Variants in ANKS1B observed in about 807,000 individuals in gnomAD.
The protein encoded by ANKS1B is ankyrin repeat and sterile alpha motif domain containing 1B.
ANKS1B carries 36 observed loss-of-function variants against 148.3 expected under a neutral mutation model. That is an observed-to-expected ratio of 0.24 (90% CI 0.19 to 0.32). ANKS1B has a LOEUF of 0.32. ANKS1B is among the 10% of genes least tolerant of loss of function. The pLI, the probability that ANKS1B is intolerant of heterozygous loss-of-function variation, is 1.00. For missense variants in ANKS1B, 1,157 were observed against 1,542.6 expected, an observed-to-expected ratio of 0.75 and a Z score of 4.19; for synonymous variants, 542 against 560.8, an observed-to-expected ratio of 0.97 and a Z score of 0.47.
Position 99,329,494 on chromosome 12 carries a change from G to C in ANKS1B, c.1756+70137C>G, listed in dbSNP as rs543993897. 4.0e-5 allele frequency among the ~76,000 whole-genome samples: 6 copies of C among 151,890 alleles called. No homozygotes were observed. The South Asian group carries it at 1.2e-3, about 32-fold the overall frequency. ...GGGTAAGGTTCTACATATATTTTTA[G>C]AGTCTTGATATATAATTTTAAGCCA... On this transcript the variant is annotated intron_variant, in intron 12 of 26. Coordinates refer to ENST00000683438, the MANE Select transcript of ANKS1B (RefSeq NM_001352186.2).
At position 99,159,681 on chromosome 12, in the gene ANKS1B, C is replaced by T. The variant is rs151002890; in HGVS notation, c.2420-5286G>A. 8.1e-4 allele frequency among the ~76,000 whole-genome samples: 123 copies of T among 152,246 alleles called. 1 individual carries two copies. The East Asian group carries it at 0.018, about 22-fold the overall frequency. On this transcript the variant is annotated intron_variant, in intron 14 of 26. Transcript: ENST00000683438. ...GTCTTTGTTATTGTGAATAGTGCTG[C>T]GATGAACATATGAGCACAGATACCT...
At chr12:99,701,180 A>G (rs535609904) in intron 8 of ANKS1B, among the ~76,000 whole-genome samples, 2 of 152,278 alleles carry the variant, frequency 1.3e-5, no homozygotes, top group South Asian at 4.1e-4. Context: ...TGGTTGTGCC[A>G]CCACTTCCTG....
At chr12:98,916,922 C>G (rs942772282) in intron 17 of ANKS1B, among the ~76,000 whole-genome samples, 1 of 151,698 alleles carries the variant, frequency 6.6e-6, no homozygotes, top group Admixed American at 6.6e-5. Flanking sequence ...TTAGCAAATG[C>G]TAATTTACTT....
chr12:99,968,635 T>G (rs1412414141), intron 1 of ANKS1B, among the ~76,000 whole-genome samples: 3 of 152,312 alleles, frequency 2.0e-5, no homozygotes, highest in African/African-American at 7.2e-5. Context: ...GTGAAAGGAA[T>G]GAGGACAAAT....
At position 99,409,169 on chromosome 12, in the gene ANKS1B, A is replaced by T. The variant is rs1020813255; in HGVS notation, c.1576-9358T>A. Reference sequence around the variant, plus strand: ...ACACAATGGCATACTATTCGGCTATAAAAAAGAATGAGATCCTGTCATTTG... The same window carrying T: ...ACACAATGGCATACTATTCGGCTATTAAAAAGAATGAGATCCTGTCATTTG... On this transcript the variant is annotated intron_variant, in intron 11 of 26. Transcript: ENST00000683438. Among the ~76,000 whole-genome samples, 35 of 152,350 alleles carry T rather than the reference A, an allele frequency of 2.3e-4. 2 individuals carry two copies. The highest frequency in any genetic ancestry group is 8.4e-4 in the African/African-American group (35 of 41,594).
intron 11 of ANKS1B, among the ~76,000 whole-genome samples, chr12:99,425,114 T>G (rs920090042): frequency 6.6e-6 from 1 of 151,988 alleles, no homozygotes; most frequent in Non-Finnish European, 1.5e-5. Context: ...ATTGCTCAAT[T>G]AAATTCCTTT....
intron 11 of ANKS1B, among the ~76,000 whole-genome samples, chr12:99,427,384 C>T (rs946403187): frequency 2.0e-5 from 3 of 152,178 alleles, no homozygotes; most frequent in African/African-American, 7.2e-5. Context: ...ATGTCTTCAT[C>T]TGGGTCTTTG....
intron 1 of ANKS1B, among the ~76,000 whole-genome samples, chr12:99,944,503 T>C (rs2095006263): frequency 6.6e-6 from 1 of 152,184 alleles, no homozygotes; most frequent in Admixed American, 6.5e-5. Flanking sequence ...ATGTTGTTCT[T>C]ACTGGGACAA....
rs199944325 is a variant in ANKS1B, at chr12:99,812,568, G to C, written c.216-257C>G. 3.1e-3 allele frequency among the ~76,000 whole-genome samples: 446 copies of C among 144,458 alleles called. 1 individual carries two copies. The highest frequency in any genetic ancestry group is 0.016 in the East Asian group (50 of 3,168). 94.8% of individuals were successfully genotyped at this position (144,458 alleles called of 152,430 possible). On this transcript the variant is annotated intron_variant, in intron 2 of 26. Transcript: ENST00000683438. Reference sequence around the variant, plus strand: ...ACACACACACACACACAGAGAGAGAGAGAGAGAGAAAGAGAGCGAGAGCAC... The same window carrying C: ...ACACACACACACACACAGAGAGAGACAGAGAGAGAAAGAGAGCGAGAGCAC...
At chr12:99,973,728 C>A (rs976915909) in intron 1 of ANKS1B, among the ~76,000 whole-genome samples, 8 of 152,180 alleles carry the variant, frequency 5.3e-5, no homozygotes, top group African/African-American at 1.9e-4. Context: ...GTGGAAATAG[C>A]AAGTGAAATA....
At chr12:99,211,532 T>C (rs1323622593) in intron 14 of ANKS1B, among the ~76,000 whole-genome samples, 2 of 152,226 alleles carry the variant, frequency 1.3e-5, no homozygotes, top group Non-Finnish European at 2.9e-5. Flanking sequence ...GATTCTACTT[T>C]ATAAAATGTA....
intron 17 of ANKS1B, among the ~76,000 whole-genome samples, chr12:98,925,084 GAGAATAATGAGCTACAGC>G (rs2099806347): frequency 6.6e-6 from 1 of 152,168 alleles, no homozygotes; most frequent in Non-Finnish European, 1.5e-5. Context: ...TTTCTTTGTT[GAGAATAATGAGCTACAGC>G]AGAATGGCAT....
At chr12:99,279,876 T>C (rs961694497) in intron 12 of ANKS1B, among the ~76,000 whole-genome samples, 2 of 151,976 alleles carry the variant, frequency 1.3e-5, no homozygotes, top group Non-Finnish European at 2.9e-5. Flanking sequence ...ATGTGGTGCA[T>C]GCCTATAGTC....
chr12:99,923,539 A>T (rs2094415032), intron 1 of ANKS1B, among the ~76,000 whole-genome samples: 1 of 152,200 alleles, frequency 6.6e-6, no homozygotes, highest in Non-Finnish European at 1.5e-5. Flanking sequence ...AAGGCCAGTA[A>T]GGAGTAATCC....
intron 5 of ANKS1B, among the ~76,000 whole-genome samples, chr12:99,781,591 T>C (rs2064330981): frequency 6.6e-6 from 1 of 152,176 alleles, no homozygotes; most frequent in South Asian, 2.1e-4. Context: ...GAAGGACAAT[T>C]TACCTTAAAG....
At chr12:98,990,693 T>C (rs912113752) in intron 17 of ANKS1B, among the ~76,000 whole-genome samples, 2 of 151,878 alleles carry the variant, frequency 1.3e-5, no homozygotes, top group African/African-American at 2.4e-5. Flanking sequence ...AAGAAAAATA[T>C]AGGATAGCTC....
intron 17 of ANKS1B, among the ~76,000 whole-genome samples, chr12:98,963,583 C>T (rs955680826): frequency 1.3e-5 from 2 of 152,168 alleles, no homozygotes; most frequent in Non-Finnish European, 2.9e-5. Context: ...ATTGGGAAAA[C>T]TCTCCAGGCA....
chr12:99,876,498 G>GT (rs1375070805), intron 1 of ANKS1B, among the ~76,000 whole-genome samples: 1 of 152,110 alleles, frequency 6.6e-6, no homozygotes. Context: ...CGAGGCAGGC[G>GT]TATCATTTGA....
chr12:99,773,958 C>G (rs2063426156), intron 7 of ANKS1B, among the ~76,000 whole-genome samples: 2 of 152,032 alleles, frequency 1.3e-5, no homozygotes, highest in Non-Finnish European at 2.9e-5. Context: ...CATGCAAAAG[C>G]ATGAAATATG....
Sources: gnomAD v4.1 joint callset for allele counts (sites outside exome capture counted in the v4.1 genomes callset) on GRCh38, gnomAD v4.1.1 for gene constraint, MANE v1.5 for transcripts, NCBI Gene and HGNC (gene_info 2026-07-23, HGNC 2026-07-21) for gene names.